The following PLBD1 variants were observed in gnomAD, a reference collection of about 807,000 sequenced individuals.
The protein encoded by PLBD1 is lysosomal leucine aminopeptidase.
PLBD1 carries 60 observed loss-of-function variants against 63.0 expected under a neutral mutation model. The ratio of observed to expected loss-of-function variants is 0.95; its 90% CI spans 0.77 to 1.18. PLBD1 has a LOEUF of 1.18. Among genes scored for constraint, PLBD1 ranks in the 50% most tolerant of loss-of-function variants. The pLI, the probability that PLBD1 is intolerant of heterozygous loss-of-function variation, is 0.00. For missense variants in PLBD1, 598 were observed against 677.9 expected (o/e 0.88, Z 1.31); for synonymous variants, 262 against 248.0 (o/e 1.06, Z -0.53).
intron 6 of PLBD1, among the ~76,000 whole-genome samples, chr12:14,525,580 AAAG>A (rs1246281576): frequency 2.0e-5 from 3 of 152,100 alleles, no homozygotes; most frequent in South Asian, 2.1e-4. Context: ...CAATAATCAC[AAAG>A]AAGACCAGAG....
chr12:14,518,195 CCAAAACAGA>C (rs1017250138), intron 6 of PLBD1, among the ~76,000 whole-genome samples: 177 of 152,148 alleles, frequency 1.2e-3, no homozygotes, highest in African/African-American at 4.1e-3. Flanking sequence ...AACAAAACCC[CCAAAACAGA>C]CAAAAACAAA....
intron 2 of PLBD1, among the ~76,000 whole-genome samples, chr12:14,551,302 G>A (rs930395937): frequency 6.6e-6 from 1 of 152,096 alleles, no homozygotes; most frequent in Non-Finnish European, 1.5e-5. Context: ...GGCAGAGGTT[G>A]CAGTGAGCCG....
intron 2 of PLBD1, among the ~76,000 whole-genome samples, chr12:14,549,887 C>T (rs549254166): frequency 8.5e-5 from 13 of 152,228 alleles, no homozygotes; most frequent in Non-Finnish European, 8.8e-5. Context: ...AGGCTGTTCT[C>T]GAACTCCCGA....
At chr12:14,562,669 G>A (rs559624665) in intron 1 of PLBD1, among the ~76,000 whole-genome samples, 2 of 152,186 alleles carry the variant, frequency 1.3e-5, no homozygotes, top group East Asian at 3.9e-4. Context: ...CTGGATGTTC[G>A]AAAGATTGTA....
chr12:14,558,637 C>G (rs1945724864), intron 1 of PLBD1, among the ~76,000 whole-genome samples: 1 of 152,136 alleles, frequency 6.6e-6, no homozygotes, highest in African/African-American at 2.4e-5. Context: ...ATGATTTTAG[C>G]TTTTTCTTCT....
At chr12:14,555,574 C>T (rs2136932613) in intron 1 of PLBD1, among the ~76,000 whole-genome samples, 1 of 152,196 alleles carries the variant, frequency 6.6e-6, no homozygotes, top group South Asian at 2.1e-4. Context: ...AAAAGTTTTG[C>T]TTCCCACTTG....
intron 1 of PLBD1, among the ~76,000 whole-genome samples, chr12:14,566,313 GA>G: frequency 6.6e-6 from 1 of 152,266 alleles, no homozygotes; most frequent in Non-Finnish European, 1.5e-5. Flanking sequence ...TAAGATTGAA[GA>G]GTGATAACTA....
chr12:14,557,992 A>G (rs919395092), intron 1 of PLBD1, among the ~76,000 whole-genome samples: 2 of 150,816 alleles, frequency 1.3e-5, no homozygotes, highest in East Asian at 2.0e-4. Flanking sequence ...AATGCCCATC[A>G]GTGGTAAACT....
chr12:14,514,087 C>T (rs1945320990), intron 6 of PLBD1, among the ~76,000 whole-genome samples: 1 of 152,124 alleles, frequency 6.6e-6, no homozygotes, highest in Non-Finnish European at 1.5e-5. Flanking sequence ...CCCCAACTAA[C>T]TCTTAATGAG....
intron 6 of PLBD1, among the ~76,000 whole-genome samples, chr12:14,513,218 AC>A (rs1328482316): frequency 6.6e-6 from 1 of 152,336 alleles, no homozygotes; most frequent in Non-Finnish European, 1.5e-5. Flanking sequence ...ATTTTGGCAT[AC>A]AAAATGATAT....
intron 2 of PLBD1, among the ~76,000 whole-genome samples, chr12:14,551,200 TA>T (rs2136930169): frequency 6.6e-6 from 1 of 152,028 alleles, no homozygotes; most frequent in African/African-American, 2.4e-5. Flanking sequence ...CCATCCCTAC[TA>T]AAAATACAAA....
chr12:14,567,433 G>A, intron 1 of PLBD1, 149 bp downstream of exon 1: 1 of 1,156,578 alleles, frequency 8.6e-7, no homozygotes, highest in Admixed American at 4.0e-5. Flanking sequence ...GGGCTGGAGC[G>A]AGACCGCCGG....
chr12:14,524,236 G>A (rs1039276920), intron 6 of PLBD1, among the ~76,000 whole-genome samples: 1 of 152,028 alleles, frequency 6.6e-6, no homozygotes, highest in Non-Finnish European at 1.5e-5. Context: ...GTATTCTATT[G>A]CACAGTAGGC....
At chr12:14,525,682 A>AACAC (rs57722328) in intron 6 of PLBD1, among the ~76,000 whole-genome samples, 6 of 149,128 alleles carry the variant, frequency 4.0e-5, no homozygotes, top group African/African-American at 1.5e-4. Context: ...CTTACTTCTC[A>AACAC]ACACACACAC....
rs972325363 is a variant in PLBD1, at chr12:14,535,906, T to A, written c.700-103A>T. On this transcript the variant is annotated intron_variant, in intron 5 of 10. Transcript: ENST00000240617. ...CAGGGATTGTGCCATTTCAGGTAAG[T>A]GTTTATTGCTATACTGATTATTGGA... The A allele has an allele frequency of 1.3e-5, 16 of 1,218,166 alleles. No individual in the cohort carries two copies. In the African/African-American group the frequency reaches 2.1e-4, roughly 16 times the overall value. The allele number at this position is 1,218,166 out of a possible 1,614,324, so 75.5% of individuals were successfully genotyped here. A position where few individuals can be genotyped will look rare whatever the true frequency, so the allele number is the denominator to read the frequency against.
chr12:14,506,253 G>A lies in PLBD1; in HGVS notation c.1388C>T (p.Pro463Leu), dbSNP rs1945254903. 6.2e-7 allele frequency: 1 copy of A among 1,608,542 alleles called. No homozygotes were observed. The highest frequency in any genetic ancestry group is 8.5e-7 in the Non-Finnish European group (1 of 1,175,988). Residue 463 changes from proline (P) to leucine (L), a missense_variant, in exon 10 of 11, where the codon CCT becomes CTT. By Grantham distance (98) the Pro-to-Leu change is moderately conservative. Coordinates refer to ENST00000240617, the MANE Select transcript of PLBD1 (RefSeq NM_024829.6). Reference protein sequence around the residue: ...IMRYNNYKKDPYSRGDPCNTI... With the variant: ...IMRYNNYKKDLYSRGDPCNTI... Reference sequence around the variant, plus strand: ...ATTACAGGGGTCACCTCTACTGTAAGGATCCTTCTTATAATCTAGGAAACA... The same window carrying A: ...ATTACAGGGGTCACCTCTACTGTAAAGATCCTTCTTATAATCTAGGAAACA...
chr12:14,519,341 C>A (rs186846437), intron 6 of PLBD1, among the ~76,000 whole-genome samples: 3 of 152,194 alleles, frequency 2.0e-5, no homozygotes, highest in East Asian at 3.9e-4. Flanking sequence ...AGGAAGTGAG[C>A]CGGGCGTGGT....
intron 8 of PLBD1, among the ~76,000 whole-genome samples, chr12:14,510,309 G>A (rs908728428): frequency 3.3e-5 from 5 of 152,070 alleles, no homozygotes; most frequent in Admixed American, 3.3e-4. Flanking sequence ...CAGGAGAATC[G>A]CTTGAACCCG....
intron 1 of PLBD1, among the ~76,000 whole-genome samples, chr12:14,561,284 G>A (rs967047902): frequency 2.6e-5 from 4 of 151,942 alleles, no homozygotes; most frequent in South Asian, 2.1e-4. Context: ...CCTTCATCCC[G>A]TTGAAACATA....
Sources: gnomAD v4.1 joint callset for allele counts (sites outside exome capture counted in the v4.1 genomes callset) on GRCh38, gnomAD v4.1.1 for gene constraint, MANE v1.5 for transcripts, NCBI Gene and HGNC (gene_info 2026-07-23, HGNC 2026-07-21) for gene names.